The following FAF1 variants were observed in gnomAD, a reference collection of about 807,000 sequenced individuals.
FAF1 encodes the protein Fas associated factor 1.
FAF1 carries 25 observed loss-of-function variants against 92.5 expected under a neutral mutation model. The observed-to-expected ratio is 0.27, with a 90% CI of 0.20 to 0.38. The LOEUF (loss-of-function observed/expected upper bound fraction) is 0.38, where lower values mean the gene tolerates loss of function less well. Among genes scored for constraint, FAF1 ranks in the 10% least tolerant of loss-of-function variants. The pLI, the probability that FAF1 is intolerant of heterozygous loss-of-function variation, is 1.00. For missense variants in FAF1, 636 were observed against 793.3 expected (o/e 0.80, Z 2.38); for synonymous variants, 234 against 273.2 (o/e 0.86, Z 1.42).
At chr1:50,773,285 T>C (rs1325451188) in intron 4 of FAF1, among the ~76,000 whole-genome samples, 1 of 152,194 alleles carries the variant, frequency 6.6e-6, no homozygotes, top group East Asian at 1.9e-4. Context: ...ACTTTAAGTA[T>C]GACATTTAAA....
At chr1:50,764,941 G>A (rs1323070685) in intron 4 of FAF1, among the ~76,000 whole-genome samples, 1 of 152,126 alleles carries the variant, frequency 6.6e-6, no homozygotes, top group East Asian at 1.9e-4. Flanking sequence ...AACTAGGGTG[G>A]TTCACATTCA....
intron 4 of FAF1, among the ~76,000 whole-genome samples, chr1:50,776,289 A>G (rs1660956978): frequency 6.6e-6 from 1 of 152,192 alleles, no homozygotes; most frequent in Non-Finnish European, 1.5e-5. Flanking sequence ...CTACAGACAC[A>G]TTATAAATAC....
chr1:50,532,417 C>T (rs1320787301), intron 15 of FAF1, among the ~76,000 whole-genome samples: 2 of 152,150 alleles, frequency 1.3e-5, no homozygotes, highest in Admixed American at 1.3e-4. Flanking sequence ...AAATCTGGTA[C>T]TAATGAGACT....
rs1644021692 is a variant in FAF1 at position 50,819,744 on chromosome 1, TATATATAC to T, written c.115-18075_115-18068del. Among the ~76,000 whole-genome samples, 14 of 68,364 alleles carry T rather than the reference TATATATAC, an allele frequency of 2.0e-4. 3 individuals are homozygous for T. In the South Asian group the frequency reaches 4.9e-3, roughly 24 times the overall value. 44.8% of individuals were successfully genotyped at this position (68,364 alleles called of 152,430 possible). On this transcript the variant is annotated intron_variant, in intron 2 of 18. Transcript: ENST00000396153. ...ATATATATATACATATATATACATATATATATACATATATATATACGTATATATATATA... is the reference window on the plus strand; with the variant it reads ...ATATATATATACATATATATACATATATATATATATACGTATATATATATA...
intron 1 of FAF1, among the ~76,000 whole-genome samples, chr1:50,921,647 G>A (rs1414074714): frequency 6.6e-6 from 1 of 152,024 alleles, no homozygotes; most frequent in African/African-American, 2.4e-5. Flanking sequence ...TAGGGAGGCT[G>A]AGTACATGGA....
At chr1:50,878,079 A>G (rs977313034) in intron 1 of FAF1, among the ~76,000 whole-genome samples, 2 of 152,142 alleles carry the variant, frequency 1.3e-5, no homozygotes, top group African/African-American at 4.8e-5. Flanking sequence ...AATATATAAC[A>G]TTTCTCTTTT....
chr1:50,673,956 C>CTT (rs111330709), intron 7 of FAF1, among the ~76,000 whole-genome samples: 20 of 143,684 alleles, frequency 1.4e-4, no homozygotes, highest in African/African-American at 4.8e-4. Flanking sequence ...GACTCTGAGG[C>CTT]TTTTTTTTTT....
At chr1:50,519,415 A>AAG (rs1647386421) in intron 15 of FAF1, among the ~76,000 whole-genome samples, 3 of 90,176 alleles carry the variant, frequency 3.3e-5, no homozygotes, top group African/African-American at 1.3e-4. Flanking sequence ...AGGGAGGGAG[A>AAG]GAAGGAAGGA....
In FAF1 at chr1:50,557,619, T is replaced by C. The variant is rs17383094; in HGVS notation, c.1268+9458A>G. Among the ~76,000 whole-genome samples, 1,372 of 152,324 alleles carry C rather than the reference T, an allele frequency of 9.0e-3. 17 individuals are homozygous for C. Among genetic ancestry groups the C allele is most frequent in the South Asian group, 0.056 (271 of 4,830 alleles). On this transcript the variant is annotated intron_variant, in intron 13 of 18. Transcript: ENST00000396153. ...ACTGACAAGCAAACACTGTAAAATA[T>C]GTCAGAGGAACCAAATTACTTATAT...
intron 7 of FAF1, among the ~76,000 whole-genome samples, chr1:50,696,190 T>C (rs1657215161): frequency 6.6e-6 from 1 of 152,152 alleles, no homozygotes. Flanking sequence ...GGATTTCCTC[T>C]GGAGTATATC....
At chr1:50,623,394 C>A (rs752211074) in intron 8 of FAF1, among the ~76,000 whole-genome samples, 30 of 151,688 alleles carry the variant, frequency 2.0e-4, no homozygotes, top group Non-Finnish European at 3.4e-4. Context: ...ATGGCGAAAC[C>A]CTGTCTCTAC....
chr1:50,778,071 T>C (rs1177486197), intron 4 of FAF1, among the ~76,000 whole-genome samples: 1 of 152,220 alleles, frequency 6.6e-6, no homozygotes, highest in Non-Finnish European at 1.5e-5. Context: ...ATGGGTAATT[T>C]ATGGTATTTT....
intron 8 of FAF1, among the ~76,000 whole-genome samples, chr1:50,613,560 G>T (rs1263462578): frequency 1.3e-5 from 2 of 151,836 alleles, no homozygotes; most frequent in Non-Finnish European, 2.9e-5. Flanking sequence ...AATTTATGAG[G>T]ATGAATAATG....
chr1:50,463,297 T>C (rs920916324), intron 18 of FAF1, among the ~76,000 whole-genome samples: 1 of 152,178 alleles, frequency 6.6e-6, no homozygotes, highest in African/African-American at 2.4e-5. Context: ...TGGAAGGTTG[T>C]GCCTGGTTTC....
intron 2 of FAF1, among the ~76,000 whole-genome samples, chr1:50,813,215 A>C (rs1643933367): frequency 6.6e-6 from 1 of 152,190 alleles, no homozygotes; most frequent in Non-Finnish European, 1.5e-5. Context: ...ATGTAAAATA[A>C]ATTTTAAAAA....
At chr1:50,573,341 T>C (rs1388731297) in intron 12 of FAF1, among the ~76,000 whole-genome samples, 1 of 152,082 alleles carries the variant, frequency 6.6e-6, no homozygotes, top group Non-Finnish European at 1.5e-5. Flanking sequence ...TCAGGTGATC[T>C]GCCTGCTTTG....
intron 1 of FAF1, among the ~76,000 whole-genome samples, chr1:50,940,181 G>A (rs1012203991): frequency 3.9e-5 from 6 of 151,988 alleles, no homozygotes; most frequent in Admixed American, 3.9e-4. Flanking sequence ...CAAGGTGCTG[G>A]GATTACAGGC....
chr1:50,886,363 C>T lies in FAF1; in HGVS notation c.46-28366G>A, dbSNP rs59269579. On this transcript the variant is annotated intron_variant, in intron 1 of 18. Coordinates refer to ENST00000396153, the MANE Select transcript of FAF1 (RefSeq NM_007051.3). Reference sequence around the variant, plus strand: ...TGAATATTTTATATTATTCCAGGGTCAAAGTTTTTTTCCTTCAGCTTTTTA... The same window carrying T: ...TGAATATTTTATATTATTCCAGGGTTAAAGTTTTTTTCCTTCAGCTTTTTA... Among the ~76,000 whole-genome samples, 1,221 of 152,066 alleles carry T rather than the reference C, an allele frequency of 8.0e-3. 13 individuals carry two copies. The highest frequency in any genetic ancestry group is 0.028 in the African/African-American group (1,180 of 41,500).
intron 15 of FAF1, among the ~76,000 whole-genome samples, chr1:50,505,267 G>A (rs1297706075): frequency 1.3e-5 from 2 of 152,204 alleles, no homozygotes; most frequent in African/African-American, 2.4e-5. Context: ...CCTCACAATA[G>A]GTTCCCAAAT....
Sources: allele counts gnomAD v4.1 joint callset (sites outside exome capture counted in the v4.1 genomes callset), GRCh38; gene constraint gnomAD v4.1.1; transcripts MANE v1.5; gene names NCBI Gene and HGNC (gene_info 2026-07-23, HGNC 2026-07-21).